Variants in SEC14L5 observed in about 807,000 individuals in gnomAD.
The protein encoded by SEC14L5 is SEC14 like lipid binding 5.
In SEC14L5, 96 loss-of-function variants were observed where a neutral mutation model predicts 84.6. The observed-to-expected ratio is 1.13, with a 90% CI of 0.96 to 1.34. SEC14L5 has a LOEUF of 1.34. SEC14L5 is among the 40% of genes most tolerant of loss of function. The probability of loss-of-function intolerance (pLI) is 0.00; values close to 1 mark genes in which losing one functional copy is unlikely to be tolerated. For synonymous variants in SEC14L5, 546 were observed against 383.4 expected, an observed-to-expected ratio of 1.42 and a Z score of -4.95; for missense variants, 1,224 against 942.5, an observed-to-expected ratio of 1.30 and a Z score of -3.91.
chr16:5,009,379 A>G (rs1157869282), intron 14 of SEC14L5, among the ~76,000 whole-genome samples: 2 of 152,122 alleles, frequency 1.3e-5, no homozygotes, highest in African/African-American at 4.8e-5. Context: ...CTGGGAATGT[A>G]GTGATATGAT....
In SEC14L5 at chr16:4,987,723, C is replaced by T. The variant is rs1380823288; in HGVS notation, c.213+17C>T. 6.8e-7 allele frequency: 1 copy of T among 1,465,284 alleles called. No individual in the cohort carries two copies. The highest frequency in any genetic ancestry group is 2.8e-5 in the East Asian group (1 of 35,468). 90.8% of individuals were successfully genotyped at this position (1,465,284 alleles called of 1,614,324 possible). On this transcript the variant is annotated intron_variant, in intron 3 of 15. Coordinates refer to ENST00000251170, the MANE Select transcript of SEC14L5 (RefSeq NM_014692.2). Reference sequence around the variant, plus strand: ...CTGCGGAAGGTGGGCGGCCCTGGGGCTGGGGGGCGGAGGAGGGGACCTGTT... The same window carrying T: ...CTGCGGAAGGTGGGCGGCCCTGGGGTTGGGGGGCGGAGGAGGGGACCTGTT...
intron 8 of SEC14L5, among the ~76,000 whole-genome samples, chr16:4,999,708 G>T (rs1055763286): frequency 6.6e-6 from 1 of 151,944 alleles, no homozygotes; most frequent in Non-Finnish European, 1.5e-5. Flanking sequence ...GAGGCCAGGG[G>T]TTCGAGACCA....
Position 5,008,515 on chromosome 16 carries a change from A to G in SEC14L5, c.1667A>G (p.Gln556Arg). ...GTGTTCAGCCTGTACCACACCAAGCAGGCGCCCAGGCTGGGCGCCCGGGAA... is the reference window on the plus strand; with the variant it reads ...GTGTTCAGCCTGTACCACACCAAGCGGGCGCCCAGGCTGGGCGCCCGGGAA... ...DVVFSLYHTK[Q>R]APRLGAREPG... Residue 556 changes from glutamine to arginine, a missense_variant, in exon 14 of 16, where the codon CAG becomes CGG. By Grantham distance (43) the Gln-to-Arg change is conservative (BLOSUM62 1). Transcript: ENST00000251170. The G allele has an allele frequency of 6.2e-7, 1 of 1,609,334 alleles. No homozygotes were observed. Among genetic ancestry groups the G allele is most frequent in the Non-Finnish European group, 8.5e-7 (1 of 1,178,250 alleles).
chr16:4,996,209 G>A, intron 6 of SEC14L5, 139 bp from the exon 7 acceptor site: 1 of 592,546 alleles, frequency 1.7e-6, no homozygotes, highest in Non-Finnish European at 3.1e-6. Context: ...GGTGGCTGCT[G>A]TCTGGGGCGG....
intron 11 of SEC14L5, among the ~76,000 whole-genome samples, chr16:5,004,963 T>C (rs191362471): frequency 7.9e-5 from 12 of 152,140 alleles, no homozygotes; most frequent in African/African-American, 2.7e-4. Context: ...TGATGCTCAG[T>C]GAAAGGGGCC....
At position 4,996,932 on chromosome 16, in the gene SEC14L5, C is replaced by A; in HGVS notation, c.858C>A (p.Arg286=). The A allele has an allele frequency of 6.2e-7, 1 of 1,613,708 alleles. No homozygotes were observed. Among genetic ancestry groups the A allele is most frequent in the Non-Finnish European group, 8.5e-7 (1 of 1,179,748 alleles). Residue 286 remains arginine, a synonymous_variant, in exon 8 of 16, where the codon CGC becomes CGA. Transcript: ENST00000251170. ...FHLDKAREML[R]QSLSWRKQHQ... ...TGGACAAGGCCCGGGAAATGCTGCG[C>A]CAGTCCTTGAGCTGGCGCAAGCAGC...
chr16:5,003,619 G>GT, intron 11 of SEC14L5, 46 bp downstream of exon 11: 2 of 277,692 alleles, frequency 7.2e-6, no homozygotes, highest in Non-Finnish European at 6.9e-6. Context: ...GGGTGGGTGG[G>GT]ATGGGAGGGG....
chr16:5,012,963 C>T (rs1376762827), intron 15 of SEC14L5, among the ~76,000 whole-genome samples: 1 of 150,904 alleles, frequency 6.6e-6, no homozygotes, highest in South Asian at 2.1e-4. Context: ...GTTTAATTGA[C>T]TCACGGTTCT....
intron 10 of SEC14L5, among the ~76,000 whole-genome samples, 182 bp from the exon 11 acceptor site, chr16:5,003,220 C>T (rs960178078): frequency 3.3e-5 from 5 of 152,328 alleles, no homozygotes; most frequent in East Asian, 3.9e-4. Flanking sequence ...TGAATTTGGG[C>T]GCTCAGCCCT....
intron 3 of SEC14L5, 143 bp from the exon 4 acceptor site, chr16:4,988,006 G>C (rs992812532): frequency 1.2e-5 from 11 of 892,008 alleles, no homozygotes; most frequent in Admixed American, 9.6e-5. Context: ...TGGTGTCCTG[G>C]GTCCGGGCTG....
intron 15 of SEC14L5, among the ~76,000 whole-genome samples, chr16:5,013,335 C>T (rs17706797): frequency 0.21 from 31,848 of 151,928 alleles, 4,019 homozygotes; most frequent in Admixed American, 0.32. Flanking sequence ...GAACGTGACA[C>T]TGGACTGAGA....
chr16:4,999,365 G>A (rs1955650606), intron 8 of SEC14L5, among the ~76,000 whole-genome samples: 1 of 152,190 alleles, frequency 6.6e-6, no homozygotes, highest in South Asian at 2.1e-4. Flanking sequence ...AGCTCTCTGG[G>A]AAGCCAAAGC....
At position 5,018,509 on chromosome 16, in the gene SEC14L5, A is replaced by G. The variant is rs1955898670; in HGVS notation, c.*3539A>G. 1 of 152,186 alleles carries G rather than the reference A, an allele frequency of 6.6e-6. No homozygotes were observed. The highest frequency in any genetic ancestry group is 2.4e-5 in the African/African-American group (1 of 41,416). The allele number at this position is 152,186 out of a possible 1,614,324, so 9.4% of individuals were successfully genotyped here. A position where few individuals can be genotyped will look rare whatever the true frequency, so the allele number is the denominator to read the frequency against. ...TAGTGAGACCCTGTCTCTACAAAAA[A>G]TTAAAAAATGAGCCAGGCGTGGTGG... On this transcript the variant is annotated 3_prime_UTR_variant, in exon 16 of 16. Coordinates refer to ENST00000251170, the MANE Select transcript of SEC14L5 (RefSeq NM_014692.2).
intron 12 of SEC14L5, among the ~76,000 whole-genome samples, chr16:5,006,824 C>A (rs568411281): frequency 3.3e-5 from 5 of 152,076 alleles, no homozygotes; most frequent in African/African-American, 1.2e-4. Context: ...CCCAGTGTTT[C>A]TACAAGTGAA....
chr16:5,011,687 T>A (rs1469979307), intron 15 of SEC14L5, among the ~76,000 whole-genome samples: 2 of 152,152 alleles, frequency 1.3e-5, no homozygotes, highest in South Asian at 4.1e-4. Context: ...GGAACTGTAA[T>A]GGTTAAGACC....
intron 14 of SEC14L5, among the ~76,000 whole-genome samples, chr16:5,010,529 C>G (rs544140941): frequency 5.3e-5 from 8 of 152,242 alleles, no homozygotes; most frequent in African/African-American, 1.9e-4. Flanking sequence ...ACCAGCTCCA[C>G]GAGCACTGGC....
rs140925133 is a variant in SEC14L5, at chr16:4,962,269, T to C, written c.63+2883T>C. 7.0e-3 allele frequency among the ~76,000 whole-genome samples: 1,064 copies of C among 152,040 alleles called. 8 individuals carry two copies. Among genetic ancestry groups the C allele is most frequent in the African/African-American group, 0.024 (1,014 of 41,458 alleles). On this transcript the variant is annotated intron_variant, in intron 2 of 15. Transcript: ENST00000251170. ...ATGTACTCGCATTGCCTGTATTGGGTATGTTAAACATATTTTGTAAGCTTC... is the reference window on the plus strand; with the variant it reads ...ATGTACTCGCATTGCCTGTATTGGGCATGTTAAACATATTTTGTAAGCTTC...
chr16:4,965,916 C>G (rs1403466536), intron 2 of SEC14L5, among the ~76,000 whole-genome samples: 2 of 151,902 alleles, frequency 1.3e-5, no homozygotes, highest in East Asian at 3.9e-4. Flanking sequence ...ATGGTTTACA[C>G]CTGCAGTCCC....
chr16:4,982,259 G>A (rs1036982725), intron 2 of SEC14L5, among the ~76,000 whole-genome samples: 1 of 152,154 alleles, frequency 6.6e-6, no homozygotes, highest in Non-Finnish European at 1.5e-5. Context: ...GAAGGGGGAG[G>A]AGGTGTCTGT....
Sources: gnomAD v4.1 joint callset for allele counts (sites outside exome capture counted in the v4.1 genomes callset) on GRCh38, gnomAD v4.1.1 for gene constraint, MANE v1.5 for transcripts, NCBI Gene and HGNC (gene_info 2026-07-23, HGNC 2026-07-21) for gene names.